The following PYGB variants were observed in gnomAD, a reference collection of about 807,000 sequenced individuals.
The protein encoded by PYGB is glycogen phosphorylase B.
Under a neutral mutation model 94.3 loss-of-function variants are expected in PYGB, and 82 were observed. The observed-to-expected ratio is 0.87, with a 90% confidence interval of 0.73 to 1.04. The LOEUF (loss-of-function observed/expected upper bound fraction) is 1.04, where lower values mean the gene tolerates loss of function less well. Ranked by LOEUF, PYGB falls within the 50% of genes least tolerant of loss-of-function variation. PYGB has a pLI of 0.00. For synonymous variants in PYGB, 488 were observed against 479.1 expected (o/e 1.02, Z -0.24); for missense variants, 1,132 against 1,158.2 (o/e 0.98, Z 0.33).
chr20:25,279,051 C>T lies in PYGB; in HGVS notation c.1000-6C>T. On this transcript the variant is annotated splice_region_variant and splice_polypyrimidine_tract_variant and intron_variant, in intron 8 of 19. Transcript: ENST00000216962. Reference sequence around the variant, plus strand: ...GACTGAATGGCACCCCTTGTGCGACCTTCAGGTGGCCATCCAGCTGAACGA... The same window carrying T: ...GACTGAATGGCACCCCTTGTGCGACTTTCAGGTGGCCATCCAGCTGAACGA... 1 of 1,610,568 alleles carries T rather than the reference C, an allele frequency of 6.2e-7. No individual in the cohort carries two copies.
intron 18 of PYGB, chr20:25,294,884 A>C: frequency 6.8e-7 from 1 of 1,464,568 alleles, no homozygotes; most frequent in Non-Finnish European, 9.6e-7. Flanking sequence ...AGGGCTGGGA[A>C]TTCACCTGCC....
At chr20:25,279,264 C>A in intron 9 of PYGB, 115 bp downstream of exon 9, 3 of 1,150,964 alleles carry the variant, frequency 2.6e-6, no homozygotes, top group South Asian at 3.0e-5. Context: ...GCTGTGTGGT[C>A]ATCATGCCCA....
chr20:25,249,665 G>A (rs1266261637), intron 1 of PYGB, among the ~76,000 whole-genome samples: 1 of 152,204 alleles, frequency 6.6e-6, no homozygotes, highest in Non-Finnish European at 1.5e-5. Flanking sequence ...GATGGTAAAA[G>A]GGACAGATTT....
intron 18 of PYGB, 29 bp downstream of exon 18, chr20:25,294,321 T>TGGGA (rs59991127): frequency 0.014 from 5,151 of 358,010 alleles, 137 homozygotes; most frequent in African/African-American, 0.13. Context: ...GTTGGGTGGC[T>TGGGA]GGGAGGGAGG....
chr20:25,264,618 C>T (rs2092920621), intron 2 of PYGB, among the ~76,000 whole-genome samples: 1 of 152,098 alleles, frequency 6.6e-6, no homozygotes, highest in Non-Finnish European at 1.5e-5. Context: ...ACAAGCATTC[C>T]TATACACCAA....
At chr20:25,279,322 TCCGGGGG>T (rs1245421377) in intron 9 of PYGB, among the ~76,000 whole-genome samples, 173 bp downstream of exon 9, 1 of 151,916 alleles carries the variant, frequency 6.6e-6, no homozygotes, top group Admixed American at 6.6e-5. Flanking sequence ...AGACGGAGGT[TCCGGGGG>T]CCAGAGTATG....
At chr20:25,286,674 C>G (rs1165201214) in intron 14 of PYGB, among the ~76,000 whole-genome samples, 1 of 152,226 alleles carries the variant, frequency 6.6e-6, no homozygotes, top group Non-Finnish European at 1.5e-5. Context: ...CGGGTCTCAC[C>G]TGGGCGGGAG....
intron 14 of PYGB, among the ~76,000 whole-genome samples, chr20:25,285,927 T>C (rs1241847046): frequency 6.6e-6 from 1 of 152,214 alleles, no homozygotes; most frequent in Non-Finnish European, 1.5e-5. Context: ...TCCCGAGTTC[T>C]TGCTTGTTCA....
Position 25,292,633 on chromosome 20 carries a change from G to C in PYGB, c.2177+20G>C. ...GAAAGGGTGCGAGCCTGTGCCCCTGGGCACCTGGCACCGTGAGGATGGAGA... is the reference window on the plus strand; with the variant it reads ...GAAAGGGTGCGAGCCTGTGCCCCTGCGCACCTGGCACCGTGAGGATGGAGA... On this transcript the variant is annotated intron_variant, in intron 17 of 19. Transcript: ENST00000216962. The C allele has an allele frequency of 1.9e-6, 3 of 1,605,476 alleles. No individual in the cohort carries two copies. Among genetic ancestry groups the C allele is most frequent in the Non-Finnish European group, 2.5e-6 (3 of 1,177,446 alleles).
rs555097041 is a variant in PYGB, at chr20:25,257,665, TA to T, written c.244-1563del. On this transcript the variant is annotated intron_variant, in intron 1 of 19. Transcript: ENST00000216962. Reference sequence around the variant, plus strand: ...GCAACATAGTGAGACCGTCATCTCTTAAAAAAAAATATACATTTTTAGTTAA... The same window carrying T: ...GCAACATAGTGAGACCGTCATCTCTTAAAAAAAATATACATTTTTAGTTAA... Among the ~76,000 whole-genome samples, 752 of 152,182 alleles carry T rather than the reference TA, an allele frequency of 4.9e-3. 12 individuals carry two copies. The highest frequency in any genetic ancestry group is 0.026 in the South Asian group (127 of 4,826).
chr20:25,277,225 C>T lies in PYGB; in HGVS notation c.773-19C>T. 6.5e-7 allele frequency: 1 copy of T among 1,535,028 alleles called. No homozygotes were observed. The highest frequency in any genetic ancestry group is 1.1e-5 in the South Asian group (1 of 89,426). Reference sequence around the variant, plus strand: ...GCCAGGAGGCATGTGTGTGTTGACCCCGCTCCATTTCTTCTTAGTCAACGT... The same window carrying T: ...GCCAGGAGGCATGTGTGTGTTGACCTCGCTCCATTTCTTCTTAGTCAACGT... On this transcript the variant is annotated intron_variant, in intron 6 of 19. Transcript: ENST00000216962.
intron 13 of PYGB, among the ~76,000 whole-genome samples, chr20:25,283,874 C>T (rs776335781): frequency 1.3e-5 from 2 of 152,092 alleles, no homozygotes; most frequent in Admixed American, 6.5e-5. Context: ...GCTCCTGGGC[C>T]GGCTCCTCAC....
intron 4 of PYGB, 135 bp from the exon 5 acceptor site, chr20:25,274,457 C>G: frequency 7.9e-7 from 1 of 1,262,116 alleles, no homozygotes; most frequent in South Asian, 1.6e-5. Context: ...GGAATCCCGA[C>G]CTGGTAAGTG....
chr20:25,272,465 C>G (rs542004068), intron 4 of PYGB, among the ~76,000 whole-genome samples: 1 of 152,204 alleles, frequency 6.6e-6, no homozygotes, highest in Admixed American at 6.5e-5. Context: ...CACAGCGATG[C>G]GTTTAGTGGG....
intron 2 of PYGB, among the ~76,000 whole-genome samples, chr20:25,263,625 A>G (rs1479391068): frequency 6.6e-6 from 1 of 152,220 alleles, no homozygotes; most frequent in Non-Finnish European, 1.5e-5. Context: ...CAGAAATACA[A>G]ACTACCATCA....
At chr20:25,289,183 G>C (rs2088444292) in intron 15 of PYGB, among the ~76,000 whole-genome samples, 1 of 152,178 alleles carries the variant, frequency 6.6e-6, no homozygotes, top group South Asian at 2.1e-4. Context: ...AGAGGGGTGG[G>C]CACTCCTCTG....
At chr20:25,280,444 G>A (rs368281402) in intron 10 of PYGB, 32 bp downstream of exon 10, 4 of 1,611,382 alleles carry the variant, frequency 2.5e-6, no homozygotes, top group African/African-American at 2.7e-5. Flanking sequence ...CGTGTAGGGT[G>A]GCGGCTACAC....
chr20:25,283,902 T>C (rs1414292673), intron 13 of PYGB, among the ~76,000 whole-genome samples: 2 of 152,122 alleles, frequency 1.3e-5, no homozygotes, highest in Admixed American at 1.3e-4. Flanking sequence ...CTACTCTTGG[T>C]GTGGACCCAC....
intron 17 of PYGB, among the ~76,000 whole-genome samples, chr20:25,293,587 G>A (rs1357066440): frequency 6.6e-6 from 1 of 152,172 alleles, no homozygotes; most frequent in Admixed American, 6.5e-5. Flanking sequence ...GCTGTGCCTT[G>A]CTGGCCCGAG....
Sources: allele counts gnomAD v4.1 joint callset (sites outside exome capture counted in the v4.1 genomes callset), GRCh38; gene constraint gnomAD v4.1.1; transcripts MANE v1.5; gene names NCBI Gene and HGNC (gene_info 2026-07-23, HGNC 2026-07-21).